Variants in THRB observed in about 807,000 individuals in gnomAD.
THRB encodes the protein nuclear receptor subfamily 1 group A member 2.
Under a neutral mutation model 47.8 loss-of-function variants are expected in THRB, and 12 were observed. The observed-to-expected ratio is 0.25, with a 90% CI of 0.16 to 0.41. The LOEUF (loss-of-function observed/expected upper bound fraction) is 0.41. Among genes scored for constraint, THRB ranks in the 10% least tolerant of loss-of-function variants. The pLI, the probability that THRB is intolerant of heterozygous loss-of-function variation, is 1.00. For synonymous variants in THRB, 218 were observed against 212.2 expected (o/e 1.03, Z -0.24); for missense variants, 348 against 589.2 (o/e 0.59, Z 4.24).
At chr3:24,347,635 T>C (rs1559988620) in intron 1 of THRB, among the ~76,000 whole-genome samples, 2 of 150,752 alleles carry the variant, frequency 1.3e-5, no homozygotes, top group Non-Finnish European at 3.0e-5. Context: ...AAATTTCTTT[T>C]TAAAGAATAA....
intron 1 of THRB, among the ~76,000 whole-genome samples, chr3:24,442,621 T>G (rs947204834): frequency 1.3e-5 from 2 of 151,656 alleles, no homozygotes; most frequent in Non-Finnish European, 2.9e-5. Context: ...GGTCGGGAGC[T>G]CGAGACCAGC....
chr3:24,469,405 C>T (rs563689608), intron 1 of THRB, among the ~76,000 whole-genome samples: 1 of 152,330 alleles, frequency 6.6e-6, no homozygotes, highest in African/African-American at 2.4e-5. Flanking sequence ...CCTCGGTAAA[C>T]TCCACTGATG....
At chr3:24,180,103 C>G (rs1478540213) in intron 5 of THRB, among the ~76,000 whole-genome samples, 1 of 152,012 alleles carries the variant, frequency 6.6e-6, no homozygotes, top group African/African-American at 2.4e-5. Context: ...GCAGTAGCTT[C>G]TTTTACTTAC....
At chr3:24,415,517 C>G (rs1301504339) in intron 1 of THRB, among the ~76,000 whole-genome samples, 1 of 151,772 alleles carries the variant, frequency 6.6e-6, no homozygotes, top group African/African-American at 2.4e-5. Flanking sequence ...TGGATAAATA[C>G]TTGTTTTTAT....
chr3:24,397,009 G>T (rs1466585288), intron 1 of THRB, among the ~76,000 whole-genome samples: 2 of 152,082 alleles, frequency 1.3e-5, no homozygotes, highest in Non-Finnish European at 2.9e-5. Context: ...ACCAGTTTAT[G>T]TGACTTAAGA....
intron 1 of THRB, chr3:24,348,858 CATT>C (rs1186870023): frequency 6.6e-6 from 1 of 151,762 alleles, no homozygotes; most frequent in Non-Finnish European, 1.5e-5. Flanking sequence ...CTCTATAAAA[CATT>C]ATACTAGAAA....
At chr3:24,300,370 G>A (rs760951698) in intron 2 of THRB, among the ~76,000 whole-genome samples, 8 of 152,076 alleles carry the variant, frequency 5.3e-5, no homozygotes, top group Admixed American at 2.0e-4. Flanking sequence ...TGTAGTTCTC[G>A]AATCTCTATG....
chr3:24,253,168 T>C (rs2050839401), intron 3 of THRB, among the ~76,000 whole-genome samples: 1 of 152,162 alleles, frequency 6.6e-6, no homozygotes, highest in Non-Finnish European at 1.5e-5. Context: ...AATAACATAA[T>C]AGAGGCATAA....
rs555044657 is a variant in THRB, at chr3:24,133,331, C to T, written c.870G>A (p.Leu290=). Residue 290 remains leucine (L), a synonymous_variant, in exon 9 of 11, where the codon TTG becomes TTA. Coordinates refer to ENST00000646209, the MANE Select transcript of THRB (RefSeq NM_001354712.2). ...ACATCCTCACCTCACAAAACATAGG[C>T]AACTTTTTGGCAAAATCCACCACTC... ...ITRVVDFAKK[L]PMFCELPCED... is the part of the protein sequence containing the mutation. The T allele has an allele frequency of 8.9e-5, 144 of 1,614,110 alleles. 1 individual carries two copies. In the South Asian group the frequency reaches 1.5e-3, roughly 17 times the overall value.
At chr3:24,144,054 T>G in intron 7 of THRB, 1 of 321,140 alleles carries the variant, frequency 3.1e-6, no homozygotes, top group Non-Finnish European at 5.9e-6. Flanking sequence ...CAGAGAAATC[T>G]GTCCAGCCAG....
At chr3:24,168,107 A>G (rs959163151) in intron 5 of THRB, among the ~76,000 whole-genome samples, 5 of 152,176 alleles carry the variant, frequency 3.3e-5, no homozygotes, top group African/African-American at 1.2e-4. Context: ...AGAACAAAAC[A>G]TTCTGAAACA....
chr3:24,482,512 G>GTTCT (rs1234750092), intron 1 of THRB, among the ~76,000 whole-genome samples: 6 of 136,578 alleles, frequency 4.4e-5, no homozygotes, highest in Non-Finnish European at 4.8e-5. Context: ...TCATTCATTC[G>GTTCT]TTCTTTCTTT....
At chr3:24,353,378 C>A (rs1464911099) in intron 1 of THRB, among the ~76,000 whole-genome samples, 1 of 152,074 alleles carries the variant, frequency 6.6e-6, no homozygotes, top group Non-Finnish European at 1.5e-5. Context: ...ACAGGCAAAA[C>A]TGAGCAATAG....
intron 1 of THRB, among the ~76,000 whole-genome samples, chr3:24,478,772 C>T (rs980781063): frequency 1.4e-4 from 22 of 151,850 alleles, no homozygotes; most frequent in Non-Finnish European, 2.9e-4. Flanking sequence ...CCCATGAGGG[C>T]GAAGATCATC....
At chr3:24,334,527 T>C (rs920805281) in intron 2 of THRB, among the ~76,000 whole-genome samples, 1 of 152,240 alleles carries the variant, frequency 6.6e-6, no homozygotes, top group Non-Finnish European at 1.5e-5. Context: ...AAAGGCATCT[T>C]TGGGATCCCC....
intron 2 of THRB, among the ~76,000 whole-genome samples, chr3:24,319,809 T>A (rs921106135): frequency 6.6e-6 from 1 of 152,148 alleles, no homozygotes. Flanking sequence ...AGAGAATGGG[T>A]CATATACACC....
intron 1 of THRB, among the ~76,000 whole-genome samples, chr3:24,404,115 A>T (rs75611224): frequency 6.6e-6 from 1 of 151,960 alleles, no homozygotes; most frequent in Non-Finnish European, 1.5e-5. Flanking sequence ...TGGAGATGTA[A>T]TAAATAGAAT....
intron 2 of THRB, among the ~76,000 whole-genome samples, chr3:24,321,050 T>C (rs973869962): frequency 1.3e-5 from 2 of 152,212 alleles, no homozygotes; most frequent in African/African-American, 2.4e-5. Flanking sequence ...GTGTATCTTC[T>C]GGCAAACAGA....
At chr3:24,446,729 T>G (rs768289283) in intron 1 of THRB, among the ~76,000 whole-genome samples, 3 of 152,156 alleles carry the variant, frequency 2.0e-5, no homozygotes, top group Non-Finnish European at 4.4e-5. Context: ...CTTTGTGGGG[T>G]GCTCTCTATG....
Sources: gnomAD v4.1 joint callset for allele counts (sites outside exome capture counted in the v4.1 genomes callset) on GRCh38, gnomAD v4.1.1 for gene constraint, MANE v1.5 for transcripts, NCBI Gene and HGNC (gene_info 2026-07-23, HGNC 2026-07-21) for gene names.